DNAAF5: variants seen among roughly 807,000 people sequenced by gnomAD.
DNAAF5 encodes the protein dynein axonemal assembly factor 5, also known as HEAT repeat containing 2.
A neutral mutation model predicts 75.8 loss-of-function variants in DNAAF5; 64 were observed. That is an observed-to-expected ratio of 0.84 (90% CI 0.69 to 1.04). DNAAF5 has a LOEUF of 1.04. Ranked by LOEUF, DNAAF5 falls within the 50% of genes least tolerant of loss-of-function variation. The pLI is 0.00. For missense variants in DNAAF5, 1,269 were observed against 1,178.5 expected, an observed-to-expected ratio of 1.08 and a Z score of -1.12; for synonymous variants, 657 against 557.2, an observed-to-expected ratio of 1.18 and a Z score of -2.52.
intron 2 of DNAAF5, among the ~76,000 whole-genome samples, chr7:734,885 T>C (rs1459994294): frequency 6.6e-6 from 1 of 152,236 alleles, no homozygotes; most frequent in African/African-American, 2.4e-5. Context: ...TTGCTCACAG[T>C]GTAGCTGCTC....
At chr7:733,884 A>T (rs1045140644) in intron 2 of DNAAF5, among the ~76,000 whole-genome samples, 3 of 152,184 alleles carry the variant, frequency 2.0e-5, no homozygotes, top group Admixed American at 1.3e-4. Context: ...AAATGGAATT[A>T]CTTTCTTGAT....
In DNAAF5 at chr7:756,847, A is replaced by C; in HGVS notation, c.1323A>C (p.Leu441Phe). ...VSPEVFLKLI[L>F]STLKKTPSAS... ...CTGAGGTGTTTCTGAAGCTGATCTT[A>C]TCGACGCTGAAGAAGACGCCCTCTG... is the stretch of plus-strand genomic sequence containing the variant. Residue 441 changes from leucine (L) to phenylalanine (F), a missense_variant, in exon 6 of 13, where the codon TTA (leucine) becomes TTC (phenylalanine). Transcript: ENST00000297440. The C allele has an allele frequency of 6.2e-7, 1 of 1,613,954 alleles. No individual in the cohort carries two copies. The highest frequency in any genetic ancestry group is 8.5e-7 in the Non-Finnish European group (1 of 1,180,000).
At chr7:748,768 T>A (rs1297821663) in intron 4 of DNAAF5, among the ~76,000 whole-genome samples, 2 of 152,238 alleles carry the variant, frequency 1.3e-5, no homozygotes, top group African/African-American at 4.8e-5. Context: ...TTAGTGGCTC[T>A]GTGAGCACCC....
At chr7:766,019 GGGTCT>G (rs1782807982) in intron 8 of DNAAF5, among the ~76,000 whole-genome samples, 1 of 152,138 alleles carries the variant, frequency 6.6e-6, no homozygotes, top group Non-Finnish European at 1.5e-5. Flanking sequence ...TGTAGACATG[GGGTCT>G]CTTTATGTTG....
intron 11 of DNAAF5, chr7:778,677 C>T (rs1198542276): frequency 6.6e-6 from 1 of 152,356 alleles, no homozygotes; most frequent in East Asian, 1.9e-4. Flanking sequence ...GCTAGCGGGA[C>T]AAGCTTGGGT....
chr7:735,510 G>C (rs28534583), intron 2 of DNAAF5, among the ~76,000 whole-genome samples: 126,299 of 150,740 alleles, frequency 0.84, 52,972 homozygotes, highest in South Asian at 0.9. Flanking sequence ...TGTAGTTGCT[G>C]ATATTGTTGC....
chr7:779,726 A>G (rs991504688), intron 11 of DNAAF5, among the ~76,000 whole-genome samples: 58 of 152,316 alleles, frequency 3.8e-4, no homozygotes, highest in African/African-American at 1.3e-3. Context: ...CAGGGGCCGC[A>G]GCAGGGCCTG....
Position 755,631 on chromosome 7 carries a change from TGA to T in DNAAF5, c.1257+812_1257+813del, listed in dbSNP as rs199866321. 3.1e-3 allele frequency among the ~76,000 whole-genome samples: 476 copies of T among 152,228 alleles called. 5 individuals carry two copies. The highest frequency in any genetic ancestry group is 8.3e-3 in the South Asian group (40 of 4,826). On this transcript the variant is annotated intron_variant, in intron 5 of 12. Transcript: ENST00000297440. Reference sequence around the variant, plus strand: ...CCTGTGGTTCCAGCTCCCGGGAGGCTGAGGTGGGAGGATCGCTTGAGCCCGGG... The same window carrying T: ...CCTGTGGTTCCAGCTCCCGGGAGGCTGGTGGGAGGATCGCTTGAGCCCGGG...
rs1781499270 is a variant in DNAAF5, at chr7:729,656, C to T, written c.596-7C>T. ...CTCTGGTAACTGGGGGCCTCCCTGT[C>T]CCTCAGACCACTTCCACATGCAGTC... is the stretch of plus-strand genomic sequence containing the variant. On this transcript the variant is annotated splice_region_variant and splice_polypyrimidine_tract_variant and intron_variant, in intron 1 of 12. Transcript: ENST00000297440. 1 of 1,611,578 alleles carries T rather than the reference C, an allele frequency of 6.2e-7. No individual in the cohort carries two copies. Among genetic ancestry groups the T allele is most frequent in the South Asian group, 1.1e-5 (1 of 90,968 alleles).
intron 2 of DNAAF5, 141 bp from the exon 3 acceptor site, chr7:740,678 G>T: frequency 1.7e-6 from 2 of 1,207,548 alleles, no homozygotes; most frequent in South Asian, 2.7e-5. Flanking sequence ...ATGGCATCTA[G>T]GCGGTGGTAG....
At position 740,927 on chromosome 7, in the gene DNAAF5, G is replaced by C. The variant is rs753466171; in HGVS notation, c.889G>C (p.Glu297Gln). 1.9e-6 allele frequency: 3 copies of C among 1,613,246 alleles called. No homozygotes were observed. The highest frequency in any genetic ancestry group is 2.5e-6 in the Non-Finnish European group (3 of 1,180,030). ...IPLLLSSLND[E>Q]VPEVRQLAAS... Reference sequence around the variant, plus strand: ...TCTGCTGCTCAGTAGCCTCAACGACGAGGTGCCTGAGGTCAGGTACGTGGG... The same window carrying C: ...TCTGCTGCTCAGTAGCCTCAACGACCAGGTGCCTGAGGTCAGGTACGTGGG... Residue 297 changes from glutamate (E) to glutamine (Q), a missense_variant, in exon 3 of 13, where the codon GAG becomes CAG. Transcript: ENST00000297440.
chr7:731,960 CCT>C, intron 2 of DNAAF5, among the ~76,000 whole-genome samples: 3 of 152,296 alleles, frequency 2.0e-5, no homozygotes, highest in African/African-American at 7.2e-5. Flanking sequence ...GGGACCCCAT[CCT>C]CTCTGCACAG....
chr7:785,774 T>TC lies in DNAAF5; in HGVS notation c.*123dup. Reference sequence around the variant, plus strand: ...TGAGACTGTGACAGCAAGAATGTACTCCTCAGGACACCTGCCCACTCTTTC... The same window carrying TC: ...TGAGACTGTGACAGCAAGAATGTACTCCCTCAGGACACCTGCCCACTCTTTC... On this transcript the variant is annotated 3_prime_UTR_variant, in exon 13 of 13. Coordinates refer to ENST00000297440, the MANE Select transcript of DNAAF5 (RefSeq NM_017802.4). 8.8e-7 allele frequency: 1 copy of TC among 1,141,766 alleles called. No individual in the cohort carries two copies. The highest frequency in any genetic ancestry group is 1.2e-6 in the Non-Finnish European group (1 of 819,802). The allele number at this position is 1,141,766 out of a possible 1,614,324, so 70.7% of individuals were successfully genotyped here. A position where few individuals can be genotyped will look rare whatever the true frequency, so the allele number is the denominator to read the frequency against.
In DNAAF5 at chr7:785,574, C is replaced by T; in HGVS notation, c.2489C>T (p.Ala830Val). 6.2e-7 allele frequency: 1 copy of T among 1,613,370 alleles called. No homozygotes were observed. Among genetic ancestry groups the T allele is most frequent in the Middle Eastern group, 1.6e-4 (1 of 6,062 alleles). The change falls in exon 13 of 13, where the codon GCC becomes GTC. Residue 830 changes from alanine (A) to valine (V), a missense_variant. Transcript: ENST00000297440. Reference protein sequence around the residue: ...FPDLLVRETEAVIHKHRSATY... With the variant: ...FPDLLVRETEVVIHKHRSATY... ...GATCTCCTGGTGAGGGAGACGGAGG[C>T]CGTCATCCACAAGCACCGCTCGGCC...
chr7:754,598 C>T lies in DNAAF5; in HGVS notation c.1034C>T (p.Pro345Leu), dbSNP rs1782423170. The T allele has an allele frequency of 6.2e-7, 1 of 1,613,858 alleles. No individual in the cohort carries two copies. Among genetic ancestry groups the T allele is most frequent in the African/African-American group, 1.3e-5 (1 of 75,038 alleles). The change falls in exon 5 of 13, where the codon CCT becomes CTT. Residue 345 changes from proline (P) to leucine (L), a missense_variant. Coordinates refer to ENST00000297440, the MANE Select transcript of DNAAF5 (RefSeq NM_017802.4). This position sits in a 1 kb window ranked among gnomAD's most constrained non-coding sequence, Gnocchi z 4.8. ...PPHYPPHERR[P>L]VLGCRELVFR... The stretch of plus-strand genomic sequence containing the variant: ...CCCTTTTTCGTTCCAGAGCGCCGCC[C>T]TGTGCTGGGCTGCCGGGAGCTCGTC...
chr7:769,112 C>CG, intron 8 of DNAAF5: 1 of 754,262 alleles, frequency 1.3e-6, no homozygotes, highest in Non-Finnish European at 2.4e-6. Flanking sequence ...AGGGCAGGTG[C>CG]GGGGGTCTCA....
intron 2 of DNAAF5, among the ~76,000 whole-genome samples, chr7:735,935 T>C (rs1781729466): frequency 6.6e-6 from 1 of 152,238 alleles, no homozygotes; most frequent in African/African-American, 2.4e-5. Flanking sequence ...CTCTTAGTGC[T>C]GCTTTTGCTG....
At chr7:729,904 G>A (rs561026417) in intron 2 of DNAAF5, 57 bp downstream of exon 2, 1,069 of 1,557,092 alleles carry the variant, frequency 6.9e-4, no homozygotes, top group Non-Finnish European at 8.0e-4. Context: ...GCGGGCTGAC[G>A]TGCTGTTTTT....
At chr7:744,837 A>G (rs1244295873) in intron 4 of DNAAF5, among the ~76,000 whole-genome samples, 1 of 152,194 alleles carries the variant, frequency 6.6e-6, no homozygotes, top group African/African-American at 2.4e-5. Context: ...TCCAGACCTC[A>G]GGTGATCCGC....
Sources: allele counts gnomAD v4.1 joint callset (sites outside exome capture counted in the v4.1 genomes callset), GRCh38; gene constraint gnomAD v4.1.1; non-coding constraint Gnocchi (gnomAD v3.1); transcripts MANE v1.5; gene names NCBI Gene and HGNC (gene_info 2026-07-23, HGNC 2026-07-21).